Variants in PTK7 observed in about 807,000 individuals in gnomAD.
PTK7 encodes inactive tyrosine-protein kinase 7.
PTK7 carries 39 observed loss-of-function variants against 116.6 expected under a neutral mutation model. That is an observed-to-expected ratio of 0.33 (90% CI 0.26 to 0.44). The LOEUF (loss-of-function observed/expected upper bound fraction) is 0.44, where lower values mean the gene tolerates loss of function less well. Ranked by LOEUF, PTK7 falls within the 20% of genes least tolerant of loss-of-function variation. The pLI is 1.00. For missense variants in PTK7, 1,169 were observed against 1,425.6 expected (o/e 0.82, Z 2.90); for synonymous variants, 546 against 563.6 (o/e 0.97, Z 0.44).
intron 17 of PTK7, among the ~76,000 whole-genome samples, chr6:43,157,347 TATATATATATATATA>T (rs1315020333): frequency 0.25 from 3,663 of 14,506 alleles, 644 homozygotes; most frequent in Non-Finnish European, 0.35. Context: ...TATATATATA[TATATATATATATATA>T]TATTTTTTTT....
intron 7 of PTK7, among the ~76,000 whole-genome samples, chr6:43,134,062 G>A (rs963601644): frequency 3.3e-5 from 5 of 152,060 alleles, no homozygotes; most frequent in African/African-American, 7.2e-5. Flanking sequence ...TGTTTGAGAC[G>A]GAGTCTCACT....
rs865975355 is a variant in PTK7, at chr6:43,141,155, G to A, written c.1619-513G>A. Reference sequence around the variant, plus strand: ...TTGGGATAATTATGCACGAAAGGGGGTATGAACATTTTTATAGCCCTTGAT... The same window carrying A: ...TTGGGATAATTATGCACGAAAGGGGATATGAACATTTTTATAGCCCTTGAT... On this transcript the variant is annotated intron_variant, in intron 10 of 19. Coordinates refer to ENST00000230419, the MANE Select transcript of PTK7 (RefSeq NM_002821.5). The surrounding 1 kb of genome is among the most constrained non-coding windows in gnomAD (Gnocchi z 4.9). Among the ~76,000 whole-genome samples, 1 of 152,230 alleles carries A rather than the reference G, an allele frequency of 6.6e-6. No homozygotes were observed. The highest frequency in any genetic ancestry group is 3.4e-3 in the Middle Eastern group (1 of 294).
chr6:43,154,195 G>T (rs888558252), intron 17 of PTK7, among the ~76,000 whole-genome samples: 1 of 141,120 alleles, frequency 7.1e-6, no homozygotes, highest in African/African-American at 2.7e-5. Flanking sequence ...AATAAAATTA[G>T]CATGGTGGTA....
At chr6:43,122,593 C>T (rs1769025579) in intron 1 of PTK7, among the ~76,000 whole-genome samples, 1 of 150,114 alleles carries the variant, frequency 6.7e-6, no homozygotes, top group Non-Finnish European at 1.5e-5. Flanking sequence ...GGCCGTGGAG[C>T]CGGGGACTGA....
At chr6:43,118,659 C>CTATATATA (rs58935341) in intron 1 of PTK7, among the ~76,000 whole-genome samples, 6 of 53,014 alleles carry the variant, frequency 1.1e-4, no homozygotes, top group East Asian at 4.7e-4. Context: ...CTCTCTCTCT[C>CTATATATA]TATATATATA....
intron 1 of PTK7, among the ~76,000 whole-genome samples, chr6:43,077,682 G>T (rs1309549364): frequency 1.3e-5 from 2 of 152,298 alleles, no homozygotes; most frequent in East Asian, 3.9e-4. Context: ...GAGCTCTGTC[G>T]AGGAGACCTG....
At chr6:43,082,474 C>T (rs1380626316) in intron 1 of PTK7, among the ~76,000 whole-genome samples, 1 of 152,216 alleles carries the variant, frequency 6.6e-6, no homozygotes, top group Non-Finnish European at 1.5e-5. Flanking sequence ...CCGTGCCCTG[C>T]TGCAATCTGC....
chr6:43,111,284 C>T (rs1385314777), intron 1 of PTK7, among the ~76,000 whole-genome samples: 1 of 152,130 alleles, frequency 6.6e-6, no homozygotes, highest in Non-Finnish European at 1.5e-5. Context: ...CTGTGGAGTC[C>T]CACGTACCTG....
Position 43,135,997 on chromosome 6 carries a change from G to T in PTK7, c.1229-2852G>T, listed in dbSNP as rs142819402. Among the ~76,000 whole-genome samples the T allele has an allele frequency of 3.9e-3, 596 of 152,282 alleles. 2 individuals are homozygous for T. Among genetic ancestry groups the T allele is most frequent in the African/African-American group, 0.013 (561 of 41,560 alleles). ...GAGGTCAGGAATTCGAGACCAGCCT[G>T]ACCAACGTGCTGAAACCCCGTCTCT... On this transcript the variant is annotated intron_variant, in intron 7 of 19. Transcript: ENST00000230419.
intron 1 of PTK7, among the ~76,000 whole-genome samples, chr6:43,089,549 C>T (rs1191724547): frequency 6.6e-6 from 1 of 152,236 alleles, no homozygotes. Context: ...CTGTCGATCT[C>T]TTAATAGTTC....
At chr6:43,119,125 C>T (rs1045358147) in intron 1 of PTK7, among the ~76,000 whole-genome samples, 3 of 151,840 alleles carry the variant, frequency 2.0e-5, no homozygotes, top group Non-Finnish European at 2.9e-5. Context: ...CCACCTATCC[C>T]CAAGGGTAGG....
At chr6:43,133,905 C>G (rs1561969665) in intron 7 of PTK7, among the ~76,000 whole-genome samples, 1 of 152,196 alleles carries the variant, frequency 6.6e-6, no homozygotes, top group African/African-American at 2.4e-5. Context: ...ATACTCAGGC[C>G]GTGATTTGGG....
intron 17 of PTK7, among the ~76,000 whole-genome samples, chr6:43,157,952 C>G (rs1258428541): frequency 6.6e-6 from 1 of 151,994 alleles, no homozygotes; most frequent in Admixed American, 6.6e-5. Flanking sequence ...TCTCGAACTC[C>G]CAATCTCAGG....
chr6:43,132,214 T>G (rs748074359), intron 6 of PTK7, 50 bp downstream of exon 6: 2 of 1,554,312 alleles, frequency 1.3e-6, no homozygotes, highest in Admixed American at 3.9e-5. Flanking sequence ...CTTTAACATT[T>G]TTGGCACATA....
chr6:43,150,416 CAG>C (rs1277468058), intron 17 of PTK7, among the ~76,000 whole-genome samples: 1 of 152,228 alleles, frequency 6.6e-6, no homozygotes, highest in Admixed American at 6.5e-5. Context: ...TTGAGTCTAA[CAG>C]AATTCCCTTT....
chr6:43,156,560 A>T (rs1771447005), intron 17 of PTK7, among the ~76,000 whole-genome samples: 1 of 151,218 alleles, frequency 6.6e-6, no homozygotes, highest in South Asian at 2.1e-4. Flanking sequence ...GTGAACCGTG[A>T]TCACCATCAC....
At position 43,129,484 on chromosome 6, in the gene PTK7, G is replaced by A; in HGVS notation, c.367+220G>A. On this transcript the variant is annotated intron_variant, in intron 2 of 19. Transcript: ENST00000230419. The surrounding 1 kb of genome is among the most constrained non-coding windows in gnomAD (Gnocchi z 4.5). The stretch of plus-strand genomic sequence containing the variant: ...CAAGTCTGGGACCCATTTATCTGCT[G>A]CATGCTTGTGCAAATGGAAAGGGCG... 1.3e-6 allele frequency: 1 copy of A among 742,786 alleles called. No individual in the cohort carries two copies. Among genetic ancestry groups the A allele is most frequent in the Non-Finnish European group, 2.1e-6 (1 of 467,312 alleles). The allele number at this position is 742,786 out of a possible 1,614,324, so 46.0% of individuals were successfully genotyped here.
chr6:43,092,727 G>A (rs1767017602), intron 1 of PTK7, among the ~76,000 whole-genome samples: 1 of 152,204 alleles, frequency 6.6e-6, no homozygotes, highest in South Asian at 2.1e-4. Context: ...CTCAGTAAAA[G>A]TTGGCTATAA....
At position 43,076,556 on chromosome 6, in the gene PTK7, C is replaced by T. The variant is rs778783090; in HGVS notation, c.68C>T (p.Pro23Leu). The part of the protein sequence containing the change: ...RLPLLSVLLL[P>L]LLGGTQTAIV... ...CCTCTGCTCAGCGTCCTGCTGCTGC[C>T]GCTGCTGGGCGGTGAGTACCCGAGA... The change falls in exon 1 of 20, where the codon CCG becomes CTG. Residue 23 changes from proline (P) to leucine (L), a missense_variant. By Grantham distance (98) the Pro-to-Leu change is moderately conservative. Coordinates refer to ENST00000230419, the MANE Select transcript of PTK7 (RefSeq NM_002821.5). The surrounding 1 kb of genome is among the most constrained non-coding windows in gnomAD (Gnocchi z 5.7). 1.3e-6 allele frequency: 2 copies of T among 1,575,604 alleles called. No individual in the cohort carries two copies. The highest frequency in any genetic ancestry group is 1.7e-6 in the Non-Finnish European group (2 of 1,166,268).
Sources: allele counts gnomAD v4.1 joint callset (sites outside exome capture counted in the v4.1 genomes callset), GRCh38; gene constraint gnomAD v4.1.1; non-coding constraint Gnocchi (gnomAD v3.1); transcripts MANE v1.5; gene names NCBI Gene and HGNC (gene_info 2026-07-23, HGNC 2026-07-21).